The following SHROOM2 variants were observed in gnomAD, a reference collection of about 807,000 sequenced individuals.
SHROOM2 encodes the protein shroom family member 2.
SHROOM2 carries 33 observed loss-of-function variants against 75.9 expected under a neutral mutation model. That is an observed-to-expected ratio of 0.43 (90% CI 0.33 to 0.58). SHROOM2 has a LOEUF of 0.58. Ranked by LOEUF, SHROOM2 falls within the 20% of genes least tolerant of loss-of-function variation. SHROOM2 has a pLI of 0.04. For synonymous variants in SHROOM2, 655 were observed against 663.6 expected, an observed-to-expected ratio of 0.99 and a Z score of 0.20; for missense variants, 1,434 against 1,461.2, an observed-to-expected ratio of 0.98 and a Z score of 0.30.
chrX:9,849,552 C>T (rs1437922528), intron 1 of SHROOM2, among the ~76,000 whole-genome samples: 1 of 111,373 alleles, frequency 9.0e-6, no homozygotes. Context: ...CTCCTGGGGT[C>T]CATCCCTCTG....
In SHROOM2 at chrX:9,944,703, G is replaced by A. The variant is rs2084801317; in HGVS notation, c.4374G>A (p.Leu1458=). Residue 1458 remains leucine, a synonymous_variant, in exon 9 of 10, where the codon CTG becomes CTA. Coordinates refer to ENST00000380913, the MANE Select transcript of SHROOM2 (RefSeq NM_001649.4). ...TGCTCCGGGAGGCCCGCGAGAGCCTGCTGGAGGACGTGCAGGCCAACACCG... is the reference window on the plus strand; with the variant it reads ...TGCTCCGGGAGGCCCGCGAGAGCCTACTGGAGGACGTGCAGGCCAACACCG... The part of the protein sequence containing the change: ...LQVLREARES[L]LEDVQANTVL... 1.7e-6 allele frequency: 2 copies of A among 1,211,739 alleles called. No individual in the cohort carries two copies. Among genetic ancestry groups the A allele is most frequent in the Non-Finnish European group, 2.2e-6 (2 of 895,385 alleles).
At chrX:9,866,336 T>G (rs777509357) in intron 1 of SHROOM2, among the ~76,000 whole-genome samples, 5 of 110,212 alleles carry the variant, frequency 4.5e-5, no homozygotes, top group Non-Finnish European at 7.6e-5. Context: ...TGCAGATATT[T>G]TATCTCTGGA....
chrX:9,935,949 G>C (rs1187213049), intron 6 of SHROOM2, among the ~76,000 whole-genome samples: 1 of 111,239 alleles, frequency 9.0e-6, no homozygotes, highest in East Asian at 2.8e-4. Context: ...GCCCTGGTCA[G>C]CATGGTCTAG....
chrX:9,805,682 G>A (rs896082221), intron 1 of SHROOM2, among the ~76,000 whole-genome samples: 1 of 111,823 alleles, frequency 8.9e-6, no homozygotes, highest in Non-Finnish European at 1.9e-5. Context: ...CTTCTATAGC[G>A]GAGGGAAGTC....
intron 4 of SHROOM2, 101 bp from the exon 5 acceptor site, chrX:9,898,089 G>A: frequency 1.5e-6 from 1 of 666,601 alleles, no homozygotes; most frequent in African/African-American, 2.1e-5. Flanking sequence ...TTGTAGAACT[G>A]CCCTGGCAAG....
chrX:9,807,825 C>T (rs1012771275), intron 1 of SHROOM2, among the ~76,000 whole-genome samples: 7 of 111,998 alleles, frequency 6.3e-5, no homozygotes, highest in East Asian at 2.8e-4. Context: ...CTTTCCTGCC[C>T]GCCCTAGGCT....
intron 8 of SHROOM2, among the ~76,000 whole-genome samples, chrX:9,944,166 T>C (rs1287695075): frequency 8.9e-6 from 1 of 112,013 alleles, no homozygotes; most frequent in Non-Finnish European, 1.9e-5. Context: ...AAAATAAAAA[T>C]TAAATAAATA....
In SHROOM2 at chrX:9,937,444, G is replaced by A. The variant is rs757198573; in HGVS notation, c.3898G>A (p.Gly1300Arg). The change falls in exon 7 of 10, where the codon GGG (glycine) becomes AGG (arginine). Residue 1300 changes from glycine to arginine, a missense_variant. By Grantham distance (125) the Gly-to-Arg change is moderately radical (BLOSUM62 -2). Around this residue, in one of 3 missense-constraint regions of SHROOM2, gnomAD observed 1,340 missense variants for 1,338.3 expected, o/e 1.00. Transcript: ENST00000380913. ...GAAAGACCGCTGCACCTCCCCTCCA[G>A]GGCTCAGCTACATGAAGGCCAAAGA... is the stretch of plus-strand genomic sequence containing the variant. ...PEKDRCTSPP[G>R]LSYMKAKEKT... 8.3e-7 allele frequency: 1 copy of A among 1,211,028 alleles called. No individual in the cohort carries two copies. Among genetic ancestry groups the A allele is most frequent in the Admixed American group, 2.2e-5 (1 of 45,999 alleles).
At chrX:9,807,823 C>T (rs780369294) in intron 1 of SHROOM2, among the ~76,000 whole-genome samples, 1 of 112,129 alleles carries the variant, frequency 8.9e-6, no homozygotes, top group East Asian at 2.8e-4. Context: ...TCCTTTCCTG[C>T]CCGCCCTAGG....
chrX:9,899,428 G>A (rs902049934), intron 5 of SHROOM2, among the ~76,000 whole-genome samples: 1 of 111,489 alleles, frequency 9.0e-6, no homozygotes, highest in Admixed American at 9.5e-5. Flanking sequence ...CTGTCGCCTT[G>A]AGAATGTTGT....
chrX:9,875,110 A>AAAAAAAAAAAAG (rs2084192753), intron 2 of SHROOM2, among the ~76,000 whole-genome samples: 16 of 93,124 alleles, frequency 1.7e-4, no homozygotes, highest in African/African-American at 6.1e-4. Context: ...AAAAAAAAAA[A>AAAAAAAAAAAAG]GGGGAGGAAG....
At chrX:9,851,511 C>T (rs902943857) in intron 1 of SHROOM2, among the ~76,000 whole-genome samples, 10 of 87,171 alleles carry the variant, frequency 1.1e-4, no homozygotes, top group Admixed American at 1.8e-4. Context: ...AGTGCAATGG[C>T]GTGATCACGG....
rs1039811705 is a variant in SHROOM2 at position 9,817,638 on chromosome X, CT to C, written c.165+30930del. ...TTCTAGGACACTCAGGTCATATTTA[CT>C]TCTCAGTAGGATGTTGCACTGTCAT... On this transcript the variant is annotated intron_variant, in intron 1 of 9. Coordinates refer to ENST00000380913, the MANE Select transcript of SHROOM2 (RefSeq NM_001649.4). Among the ~76,000 whole-genome samples the C allele has an allele frequency of 2.7e-5, 3 of 112,514 alleles. No individual in the cohort carries two copies. The East Asian group carries it at 8.3e-4, about 31-fold the overall frequency.
chrX:9,813,850 A>G (rs146655926), intron 1 of SHROOM2, among the ~76,000 whole-genome samples: 82 of 112,045 alleles, frequency 7.3e-4, no homozygotes, highest in African/African-American at 2.5e-3. Context: ...TCTGCTGTCC[A>G]TTATGGTAGC....
chrX:9,807,451 G>A (rs2083760593), intron 1 of SHROOM2, among the ~76,000 whole-genome samples: 1 of 111,999 alleles, frequency 8.9e-6, no homozygotes, highest in Middle Eastern at 4.6e-3. Flanking sequence ...GCAGCCCTGG[G>A]AGACAGGAAC....
intron 1 of SHROOM2, 129 bp downstream of exon 1, chrX:9,786,839 C>T: frequency 2.1e-6 from 1 of 470,050 alleles, no homozygotes; most frequent in African/African-American, 2.6e-5. Flanking sequence ...CTGCTGGGGT[C>T]ACCTGCCGGG....
rs202041216 is a variant in SHROOM2 at position 9,792,159 on chromosome X, T to TAGA, written c.165+5450_165+5451insGAA. Among the ~76,000 whole-genome samples the TAGA allele has an allele frequency of 5.4e-4, 4 of 7,393 alleles. No homozygotes were observed. In the Admixed American group the frequency reaches 9.5e-3, roughly 18 times the overall value. The allele number at this position is 7,393 out of a possible 115,157, so 6.4% of individuals were successfully genotyped here. ...TAGAATAGAATAGAATAGAATAGAA[T>TAGA]AATCACCAGTATCTGATACAGGGAG... On this transcript the variant is annotated intron_variant, in intron 1 of 9. Transcript: ENST00000380913.
At chrX:9,823,009 C>CTTT (rs2083861821) in intron 1 of SHROOM2, among the ~76,000 whole-genome samples, 1 of 87,341 alleles carries the variant, frequency 1.1e-5, no homozygotes, top group African/African-American at 5.0e-5. Context: ...TCTTCTTCTT[C>CTTT]TTCTTCTCCT....
At chrX:9,787,182 C>A (rs2083619361) in intron 1 of SHROOM2, among the ~76,000 whole-genome samples, 1 of 112,343 alleles carries the variant, frequency 8.9e-6, no homozygotes, top group Admixed American at 9.4e-5. Context: ...TTCCCTTCAG[C>A]CCATCAATGT....
Sources: gnomAD v4.1 joint callset for allele counts (sites outside exome capture counted in the v4.1 genomes callset) on GRCh38, gnomAD v4.1.1 for gene constraint, gnomAD v4.1.1 regional missense constraint, MANE v1.5 for transcripts, NCBI Gene and HGNC (gene_info 2026-07-23, HGNC 2026-07-21) for gene names.